C4orf50: variants seen among roughly 807,000 people sequenced by gnomAD.
C4orf50 encodes the protein chromosome 4 open reading frame 50.
C4orf50 carries 80 observed loss-of-function variants against 77.2 expected under a neutral mutation model. That is an observed-to-expected ratio of 1.04 (90% CI 0.87 to 1.25). C4orf50 has a LOEUF of 1.25. Among genes scored for constraint, C4orf50 ranks in the 50% most tolerant of loss-of-function variants. The pLI is 0.00. For synonymous variants in C4orf50, 532 were observed against 465.3 expected (o/e 1.14, Z -1.84); for missense variants, 1,257 against 1,152.9 (o/e 1.09, Z -1.31).
At chr4:5,986,336 G>A (rs922555941) in intron 28 of C4orf50, among the ~76,000 whole-genome samples, 1 of 152,072 alleles carries the variant, frequency 6.6e-6, no homozygotes, top group Non-Finnish European at 1.5e-5. Context: ...AGAAATCAAG[G>A]ACAAATGTAT....
rs1330626505 is a variant in C4orf50, at chr4:5,970,180, G to A, written c.4105-2718C>T. ...AAAAAAAGGCCCACTGGGGCTAGGGGTCGGGGGGCATAGAGAGGAAGCAAA... is the reference window on the plus strand; with the variant it reads ...AAAAAAAGGCCCACTGGGGCTAGGGATCGGGGGGCATAGAGAGGAAGCAAA... On this transcript the variant is annotated intron_variant, in intron 31 of 33. Coordinates refer to ENST00000531445, the Ensembl canonical transcript of C4orf50. This position sits in a 1 kb window ranked among gnomAD's most constrained non-coding sequence, Gnocchi z 4.3. Among the ~76,000 whole-genome samples the A allele has an allele frequency of 6.6e-6, 1 of 151,802 alleles. No individual in the cohort carries two copies. The highest frequency in any genetic ancestry group is 2.1e-4 in the South Asian group (1 of 4,808).
At chr4:5,910,397 G>C (rs1478081754) in intron 7 of C4orf50, among the ~76,000 whole-genome samples, 1 of 152,200 alleles carries the variant, frequency 6.6e-6, no homozygotes, top group Non-Finnish European at 1.5e-5. Context: ...CAAAATTTAA[G>C]AATCTCGTCA....
chr4:5,970,079 A>G lies in C4orf50; in HGVS notation c.4105-2617T>C, dbSNP rs764204139. Among the ~76,000 whole-genome samples the G allele has an allele frequency of 7.2e-5, 11 of 152,054 alleles. No individual in the cohort carries two copies. The highest frequency in any genetic ancestry group is 1.5e-4 in the Non-Finnish European group (10 of 68,014). On this transcript the variant is annotated intron_variant, in intron 31 of 33. Transcript: ENST00000531445. This position sits in a 1 kb window ranked among gnomAD's most constrained non-coding sequence, Gnocchi z 4.3. Reference sequence around the variant, plus strand: ...CGGGGAAAGGGGACGATGTAACTGAATACAAACAGCAAAGGTGTCTCATTT... The same window carrying G: ...CGGGGAAAGGGGACGATGTAACTGAGTACAAACAGCAAAGGTGTCTCATTT...
intron 7 of C4orf50, among the ~76,000 whole-genome samples, chr4:5,907,899 G>A (rs556125685): frequency 1.3e-5 from 2 of 152,296 alleles, no homozygotes; most frequent in Admixed American, 1.3e-4. Context: ...CACTCTATGA[G>A]AAGGTGCCAT....
intron 7 of C4orf50, among the ~76,000 whole-genome samples, chr4:5,946,220 G>A (rs1485504409): frequency 6.6e-6 from 1 of 152,160 alleles, no homozygotes. Flanking sequence ...GGAGTGCACA[G>A]TCAGCTGCAG....
Position 5,916,348 on chromosome 4 carries a change from G to A in C4orf50, c.*2475-18160C>T, listed in dbSNP as rs1717026511. Among the ~76,000 whole-genome samples the A allele has an allele frequency of 6.6e-6, 1 of 152,040 alleles. No homozygotes were observed. The highest frequency in any genetic ancestry group is 1.5e-5 in the Non-Finnish European group (1 of 68,026). On this transcript the variant is annotated intron_variant, in intron 7 of 7. Coordinates refer to the C4orf50 transcript ENST00000324058. The surrounding 1 kb of genome is among the most constrained non-coding windows in gnomAD (Gnocchi z 4.4). ...TGACCAATCAACTAGGAGAGGGGTGGGGCTTAACCACGCCGAACAGACAGC... is the reference window on the plus strand; with the variant it reads ...TGACCAATCAACTAGGAGAGGGGTGAGGCTTAACCACGCCGAACAGACAGC...
chr4:5,976,070 A>G, intron 29 of C4orf50, 115 bp from the exon 8 acceptor site: 1 of 770,938 alleles, frequency 1.3e-6, no homozygotes, highest in Non-Finnish European at 2.3e-6. Context: ...CTTTACCCTC[A>G]TGGGGACTCA....
At chr4:5,977,345 C>A (rs1224409482) in intron 29 of C4orf50, among the ~76,000 whole-genome samples, 1 of 152,330 alleles carries the variant, frequency 6.6e-6, no homozygotes, top group Admixed American at 6.5e-5. Flanking sequence ...TCTTCCTCAC[C>A]CCCAAACTCT....
At chr4:5,921,006 C>A (rs965428304) in intron 7 of C4orf50, among the ~76,000 whole-genome samples, 2 of 152,212 alleles carry the variant, frequency 1.3e-5, no homozygotes, top group African/African-American at 4.8e-5. Context: ...CTGAAGAACT[C>A]TGACCACAGC....
intron 7 of C4orf50, among the ~76,000 whole-genome samples, chr4:5,918,504 T>A (rs1717126927): frequency 6.6e-6 from 1 of 152,224 alleles, no homozygotes. Context: ...TCACTGGTCA[T>A]GAACTGGGCT....
rs186171516 is a variant in C4orf50, at chr4:5,946,465, G to T, written c.*2474+10436C>A. On this transcript the variant is annotated intron_variant, in intron 7 of 7. Coordinates refer to the C4orf50 transcript ENST00000324058. ...GTTAGAAATAATAGTTTCTTTTAAA[G>T]ACTAACTTCATGCTAGACATGCTCA... Among the ~76,000 whole-genome samples, 424 of 152,302 alleles carry T rather than the reference G, an allele frequency of 2.8e-3. 11 individuals are homozygous for T. Among genetic ancestry groups the T allele is most frequent in the Admixed American group, 0.028 (421 of 15,298 alleles).
chr4:5,976,297 A>C (rs902797541), intron 29 of C4orf50, among the ~76,000 whole-genome samples: 1 of 149,170 alleles, frequency 6.7e-6, no homozygotes, highest in Non-Finnish European at 1.5e-5. Flanking sequence ...AAAAAATACA[A>C]AAAAAAAAAT....
At position 6,008,390 on chromosome 4, in the gene C4orf50, A is replaced by G. The variant is rs1722340850; in HGVS notation, c.569T>C (p.Leu190Pro). Reference sequence around the variant, plus strand: ...CAGGACGCGCTCCTGCTCCCGCACCAGGCCCAGCTGGCGCCGCTGGGTCCG... The same window carrying G: ...CAGGACGCGCTCCTGCTCCCGCACCGGGCCCAGCTGGCGCCGCTGGGTCCG... Residue 190 changes from leucine to proline, a missense_variant, in exon 25 of 34, where the codon CTG (leucine) becomes CCG (proline). Transcript: ENST00000531445. The surrounding 1 kb of genome is among the most constrained non-coding windows in gnomAD (Gnocchi z 6.0). The G allele has an allele frequency of 5.1e-6, 2 of 393,554 alleles. No individual in the cohort carries two copies. The highest frequency in any genetic ancestry group is 9.0e-6 in the Non-Finnish European group (2 of 222,922). 24.4% of individuals were successfully genotyped at this position (393,554 alleles called of 1,614,324 possible). A position where few individuals can be genotyped will look rare whatever the true frequency, so the allele number is the denominator to read the frequency against.
chr4:5,990,421 T>C (rs565724225), exon 28 of C4orf50: 2 of 409,858 alleles, frequency 4.9e-6, no homozygotes, highest in East Asian at 3.6e-5. Flanking sequence ...TTTCAGATCC[T>C]TGGGGTGTTT....
chr4:6,009,358 C>T lies in C4orf50; in HGVS notation c.427-826G>A, dbSNP rs78019617. 2.4e-3 allele frequency among the ~76,000 whole-genome samples: 364 copies of T among 152,324 alleles called. No homozygotes were observed. The highest frequency in any genetic ancestry group is 8.4e-3 in the African/African-American group (350 of 41,558). On this transcript the variant is annotated intron_variant, in intron 24 of 33. Transcript: ENST00000531445. This position sits in a 1 kb window ranked among gnomAD's most constrained non-coding sequence, Gnocchi z 5.6. ...TAATCTTTCAACTACTGTCACCTGC[C>T]GCTGCTCTTCTGCCGGGGAGCTTCC...
At chr4:5,965,082 G>C (rs145306021) in exon 33 of C4orf50, 27 of 1,613,536 alleles carry the variant, frequency 1.7e-5, no homozygotes, top group Non-Finnish European at 2.2e-5. Context: ...AATAGGCCAG[G>C]ACTCTGAAGA....
intron 25 of C4orf50, among the ~76,000 whole-genome samples, chr4:6,004,072 GTGA>G (rs1310720556): frequency 0.023 from 1,568 of 69,490 alleles, 17 homozygotes; most frequent in African/African-American, 0.049. Flanking sequence ...GATGGTGATG[GTGA>G]TGATGTGATA....
chr4:5,942,297 C>CA (rs1241477480), intron 7 of C4orf50, among the ~76,000 whole-genome samples: 1 of 152,202 alleles, frequency 6.6e-6, no homozygotes, highest in African/African-American at 2.4e-5. Context: ...GTGGTCTGGG[C>CA]ACAGTCCAAG....
At chr4:5,907,347 G>A (rs1409135321) in intron 7 of C4orf50, among the ~76,000 whole-genome samples, 2 of 152,102 alleles carry the variant, frequency 1.3e-5, no homozygotes, top group African/African-American at 4.8e-5. Context: ...TTCTGATAAA[G>A]TTTCATCAAA....
Sources: allele counts gnomAD v4.1 joint callset (sites outside exome capture counted in the v4.1 genomes callset), GRCh38; gene constraint gnomAD v4.1.1; non-coding constraint Gnocchi (gnomAD v3.1); transcripts MANE v1.5; gene names NCBI Gene and HGNC (gene_info 2026-07-23, HGNC 2026-07-21).